FAM149A: variants seen among roughly 807,000 people sequenced by gnomAD.
FAM149A encodes family with sequence similarity 149 member A, also known as protein FAM149A.
In FAM149A, 71 loss-of-function variants were observed where a neutral mutation model predicts 78.2. That is an observed-to-expected ratio of 0.91 (90% CI 0.75 to 1.11). The LOEUF (loss-of-function observed/expected upper bound fraction) is 1.11, where lower values mean the gene tolerates loss of function less well. Ranked by LOEUF, FAM149A falls within the 50% of genes least tolerant of loss-of-function variation. The pLI is 0.00. For missense variants in FAM149A, 1,036 were observed against 971.0 expected (o/e 1.07, Z -0.89); for synonymous variants, 446 against 410.5 (o/e 1.09, Z -1.04).
chr4:186,120,961 C>G (rs1359649756), intron 1 of FAM149A, among the ~76,000 whole-genome samples: 1 of 142,196 alleles, frequency 7.0e-6, no homozygotes, highest in Non-Finnish European at 1.5e-5. Context: ...TCACGCCATT[C>G]TCCTGCCCCA....
intron 1 of FAM149A, among the ~76,000 whole-genome samples, chr4:186,122,568 T>C (rs892098802): frequency 6.6e-6 from 1 of 152,240 alleles, no homozygotes; most frequent in African/African-American, 2.4e-5. Flanking sequence ...AATATGTTTC[T>C]GGATTTAATA....
At position 186,146,864 on chromosome 4, in the gene FAM149A, T is replaced by C. The variant is rs949681319; in HGVS notation, c.567-2309T>C. 4.1e-6 allele frequency: 4 copies of C among 985,332 alleles called. No homozygotes were observed. The African/African-American group carries it at 7.0e-5, about 17-fold the overall frequency. 61.0% of individuals were successfully genotyped at this position (985,332 alleles called of 1,614,324 possible). A position where few individuals can be genotyped will look rare whatever the true frequency, so the allele number is the denominator to read the frequency against. ...GAGTAATTCTGTAGTGAAAATGAGT[T>C]CCGCATTTGAGTTGCTAATTTCGTC... On this transcript the variant is annotated intron_variant, in intron 1 of 13. Coordinates refer to ENST00000389354, the MANE Select transcript of FAM149A (RefSeq NM_001367768.3).
At chr4:186,158,151 C>G in intron 8 of FAM149A, 7 of 1,285,902 alleles carry the variant, frequency 5.4e-6, no homozygotes, top group Non-Finnish European at 7.1e-6. Flanking sequence ...GGCCGGCAGG[C>G]TGTGCTGAAG....
chr4:186,116,805 C>T, intron 1 of FAM149A: 3 of 975,812 alleles, frequency 3.1e-6, no homozygotes, highest in Non-Finnish European at 3.7e-6. Flanking sequence ...TTAAAGAACA[C>T]ATGTTGAGTG....
chr4:186,135,510 C>T (rs1377861964), intron 1 of FAM149A, among the ~76,000 whole-genome samples: 1 of 152,156 alleles, frequency 6.6e-6, no homozygotes, highest in African/African-American at 2.4e-5. Flanking sequence ...TGTGAGTCTC[C>T]AGTCTCAACA....
chr4:186,109,518 T>C (rs1292341504), intron 1 of FAM149A: 5 of 985,232 alleles, frequency 5.1e-6, no homozygotes, highest in Non-Finnish European at 6.0e-6. Flanking sequence ...CTCAAACCGA[T>C]TGCTAGCTGA....
At chr4:186,127,151 A>G (rs2099318663) in intron 1 of FAM149A, 4 of 985,024 alleles carry the variant, frequency 4.1e-6, no homozygotes, top group South Asian at 4.7e-5. Context: ...GGCCAACAGG[A>G]GCAACTGTAC....
intron 4 of FAM149A, among the ~76,000 whole-genome samples, chr4:186,152,302 G>A (rs926578486): frequency 2.4e-4 from 36 of 152,148 alleles, no homozygotes; most frequent in Non-Finnish European, 4.0e-4. Context: ...ACACATATAC[G>A]AATGCAAGAA....
intron 1 of FAM149A, among the ~76,000 whole-genome samples, chr4:186,131,606 A>G (rs1376241497): frequency 3.9e-5 from 6 of 152,218 alleles, no homozygotes; most frequent in Non-Finnish European, 8.8e-5. Flanking sequence ...GGTCTTTTCA[A>G]TAAATAGTGC....
At position 186,105,297 on chromosome 4, in the gene FAM149A, T is replaced by C; in HGVS notation, c.221T>C (p.Leu74Pro). 2 of 1,184,884 alleles carry C rather than the reference T, an allele frequency of 1.7e-6. No individual in the cohort carries two copies. The highest frequency in any genetic ancestry group is 2.1e-6 in the Non-Finnish European group (2 of 947,074). The allele number at this position is 1,184,884 out of a possible 1,614,324, so 73.4% of individuals were successfully genotyped here. The change falls in exon 1 of 14, where the codon CTC (leucine) becomes CCC (proline). Residue 74 changes from leucine to proline, a missense_variant. Leu to Pro is a moderately conservative substitution (Grantham distance 98). Coordinates refer to ENST00000389354, the MANE Select transcript of FAM149A (RefSeq NM_001367768.3). ...TCGCGGCGGTCGCCCGCCCCGCTGC[T>C]CTCCTCCCCCTACTCCCGGGGCTCC...
At chr4:186,161,963 C>T (rs767040198) in intron 8 of FAM149A, among the ~76,000 whole-genome samples, 5 of 152,194 alleles carry the variant, frequency 3.3e-5, no homozygotes, top group Non-Finnish European at 7.3e-5. Flanking sequence ...AGGTTTGTTA[C>T]ACAGGTATAC....
intron 1 of FAM149A, among the ~76,000 whole-genome samples, chr4:186,140,758 TTAAA>T (rs2099325460): frequency 6.6e-6 from 1 of 152,220 alleles, no homozygotes; most frequent in Non-Finnish European, 1.5e-5. Flanking sequence ...CAATTAGGGT[TTAAA>T]TAATCAATGA....
chr4:186,109,475 G>T (rs1428846944), intron 1 of FAM149A: 1 of 985,306 alleles, frequency 1.0e-6, no homozygotes, highest in African/African-American at 1.7e-5. Flanking sequence ...GATGAAGCCT[G>T]TAGACCCGGA....
chr4:186,116,189 C>A (rs375121437), intron 1 of FAM149A, among the ~76,000 whole-genome samples: 3 of 117,566 alleles, frequency 2.6e-5, no homozygotes, highest in Non-Finnish European at 5.3e-5. Context: ...TCTTTGACTC[C>A]GCAAGGGAAC....
In FAM149A at chr4:186,169,591, C is replaced by G. The variant is rs1051331686; in HGVS notation, c.2219-2323C>G. 1.7e-5 allele frequency: 17 copies of G among 985,324 alleles called. No homozygotes were observed. The African/African-American group carries it at 3.0e-4, about 17-fold the overall frequency. 61.0% of individuals were successfully genotyped at this position (985,324 alleles called of 1,614,324 possible). A position where few individuals can be genotyped will look rare whatever the true frequency, so the allele number is the denominator to read the frequency against. On this transcript the variant is annotated intron_variant, in intron 13 of 13. Coordinates refer to ENST00000389354, the MANE Select transcript of FAM149A (RefSeq NM_001367768.3). ...GGAGTCGCCTCTCTGGCCACCAGCT[C>G]AGGCAGCACACCACGATCTAATAGG... is the stretch of plus-strand genomic sequence containing the variant.
intron 1 of FAM149A, among the ~76,000 whole-genome samples, chr4:186,134,487 C>G (rs1463138428): frequency 6.6e-6 from 1 of 152,106 alleles, no homozygotes; most frequent in Non-Finnish European, 1.5e-5. Flanking sequence ...GTCTGGCAGC[C>G]TGAGTTCTCC....
chr4:186,143,230 G>C (rs1284075905), intron 1 of FAM149A, among the ~76,000 whole-genome samples: 1 of 134,154 alleles, frequency 7.5e-6, no homozygotes, highest in African/African-American at 2.7e-5. Flanking sequence ...GGGCTCTAGT[G>C]ATCCTCCCAT....
intron 1 of FAM149A, chr4:186,133,227 A>G (rs1347147688): frequency 1.0e-6 from 1 of 979,362 alleles, no homozygotes; most frequent in Non-Finnish European, 1.2e-6. Context: ...TTATTTTAAC[A>G]ATTTTAAGTG....
intron 1 of FAM149A, among the ~76,000 whole-genome samples, chr4:186,124,402 TC>T (rs1348982213): frequency 1.3e-5 from 2 of 151,480 alleles, no homozygotes; most frequent in African/African-American, 4.9e-5. Context: ...CCTAATGCTA[TC>T]CCTCCCCGCT....
Sources: gnomAD v4.1 joint callset for allele counts (sites outside exome capture counted in the v4.1 genomes callset) on GRCh38, gnomAD v4.1.1 for gene constraint, MANE v1.5 for transcripts, NCBI Gene and HGNC (gene_info 2026-07-23, HGNC 2026-07-21) for gene names.